The following DNAI4 variants were observed in gnomAD, a reference collection of about 807,000 sequenced individuals.
DNAI4 encodes the protein WD repeat domain 78.
In DNAI4, 85 loss-of-function variants were observed where a neutral mutation model predicts 105.8. The observed-to-expected ratio is 0.80, with a 90% CI of 0.67 to 0.96. The LOEUF (loss-of-function observed/expected upper bound fraction) is 0.96, where lower values mean the gene tolerates loss of function less well. Ranked by LOEUF, DNAI4 falls within the 40% of genes least tolerant of loss-of-function variation. The pLI, the probability that DNAI4 is intolerant of heterozygous loss-of-function variation, is 0.00. For missense variants in DNAI4, 1,014 were observed against 1,005.6 expected (o/e 1.01, Z -0.11); for synonymous variants, 352 against 331.5 (o/e 1.06, Z -0.67).
intron 16 of DNAI4, among the ~76,000 whole-genome samples, chr1:66,816,496 T>C (rs965373863): frequency 6.6e-6 from 1 of 152,150 alleles, no homozygotes; most frequent in Non-Finnish European, 1.5e-5. Context: ...ATGACTATAA[T>C]TCTCCATAAG....
rs1646311534 is a variant in DNAI4, at chr1:66,847,857, T to C, written c.1097-179A>G. 5 of 558,060 alleles carry C rather than the reference T, an allele frequency of 9.0e-6. No individual in the cohort carries two copies. The Admixed American group carries it at 1.8e-4, about 20-fold the overall frequency. 34.6% of individuals were successfully genotyped at this position (558,060 alleles called of 1,614,324 possible). A position where few individuals can be genotyped will look rare whatever the true frequency, so the allele number is the denominator to read the frequency against. On this transcript the variant is annotated intron_variant, in intron 7 of 16. Coordinates refer to ENST00000371026, the MANE Select transcript of DNAI4 (RefSeq NM_024763.5). ...GCACATGAAAGATGCACATATCTCA[T>C]TTTGGAATTCTTAACCATCAAAAAC...
intron 6 of DNAI4, among the ~76,000 whole-genome samples, chr1:66,866,077 A>G (rs1646726773): frequency 6.6e-6 from 1 of 152,036 alleles, no homozygotes; most frequent in Non-Finnish European, 1.5e-5. Context: ...GAGGCTGAGG[A>G]CAGTGGATCA....
chr1:66,870,652 AG>A, intron 6 of DNAI4, among the ~76,000 whole-genome samples: 1 of 122,970 alleles, frequency 8.1e-6, no homozygotes, highest in East Asian at 2.7e-4. Context: ...TGGGAGGCTG[AG>A]GGGGAGAATT....
chr1:66,900,403 A>G (rs918666229), intron 2 of DNAI4, among the ~76,000 whole-genome samples: 5 of 152,200 alleles, frequency 3.3e-5, no homozygotes, highest in Non-Finnish European at 7.4e-5. Context: ...GCCTGGCCCC[A>G]TATGAATTTT....
chr1:66,886,030 C>T (rs535271397), intron 4 of DNAI4, among the ~76,000 whole-genome samples: 37 of 152,190 alleles, frequency 2.4e-4, no homozygotes, highest in Non-Finnish European at 4.3e-4. Context: ...GATGGCTGTT[C>T]TATTTTCATT....
At chr1:66,867,588 G>A (rs1646759486) in intron 6 of DNAI4, among the ~76,000 whole-genome samples, 1 of 151,330 alleles carries the variant, frequency 6.6e-6, no homozygotes, top group Non-Finnish European at 1.5e-5. Context: ...CTTGTTCCAT[G>A]AATGCAACAG....
Position 66,850,900 on chromosome 1 carries a change from A to G in DNAI4, c.1097-3222T>C, listed in dbSNP as rs1030678427. On this transcript the variant is annotated intron_variant, in intron 7 of 16. Coordinates refer to ENST00000371026, the MANE Select transcript of DNAI4 (RefSeq NM_024763.5). The stretch of plus-strand genomic sequence containing the variant: ...AGAATGGTAAAAAAAATGTTTGGAA[A>G]AGCAGCAAGAAAGCAGGAAGAAGAT... Among the ~76,000 whole-genome samples, 4 of 152,096 alleles carry G rather than the reference A, an allele frequency of 2.6e-5. No homozygotes were observed. In the East Asian group the frequency reaches 7.7e-4, roughly 29 times the overall value.
intron 7 of DNAI4, among the ~76,000 whole-genome samples, chr1:66,860,994 C>T (rs150221622): frequency 6.6e-6 from 1 of 152,098 alleles, no homozygotes; most frequent in African/African-American, 2.4e-5. Context: ...GTTTACATGA[C>T]CATAAACATA....
chr1:66,865,275 T>G (rs1046602540), intron 6 of DNAI4, among the ~76,000 whole-genome samples: 1 of 151,800 alleles, frequency 6.6e-6, no homozygotes, highest in Non-Finnish European at 1.5e-5. Context: ...AATGCAAAAA[T>G]TAGCCCAGCA....
intron 8 of DNAI4, among the ~76,000 whole-genome samples, chr1:66,845,913 T>C (rs1463657509): frequency 1.3e-5 from 2 of 152,030 alleles, no homozygotes; most frequent in East Asian, 3.8e-4. Flanking sequence ...AGGTAACTCT[T>C]AGGGTTAATA....
chr1:66,825,835 T>A (rs183700225), intron 15 of DNAI4, among the ~76,000 whole-genome samples: 17 of 152,296 alleles, frequency 1.1e-4, no homozygotes, highest in African/African-American at 3.6e-4. Context: ...TAGCAAAAAA[T>A]TTTCTCATAA....
At chr1:66,853,029 G>A (rs1646428954) in intron 7 of DNAI4, among the ~76,000 whole-genome samples, 1 of 152,150 alleles carries the variant, frequency 6.6e-6, no homozygotes, top group Admixed American at 6.5e-5. Flanking sequence ...TCTCTAGAAG[G>A]GCCCTGACCA....
At chr1:66,882,665 C>T (rs890473260) in intron 4 of DNAI4, among the ~76,000 whole-genome samples, 7 of 151,738 alleles carry the variant, frequency 4.6e-5, no homozygotes, top group African/African-American at 1.5e-4. Context: ...CTCTGTATTC[C>T]ATTTTATTTA....
rs144261089 is a variant in DNAI4, at chr1:66,826,360, G to A, written c.2339+460C>T. On this transcript the variant is annotated intron_variant, in intron 15 of 16. Coordinates refer to ENST00000371026, the MANE Select transcript of DNAI4 (RefSeq NM_024763.5). ...GTTGCCCAGGTTGGAGTACACTGGC[G>A]CAATCTTGGCTCACTGCAACCTCTG... 3.6e-3 allele frequency among the ~76,000 whole-genome samples: 552 copies of A among 151,930 alleles called. 6 individuals are homozygous for A. The highest frequency in any genetic ancestry group is 0.011 in the African/African-American group (454 of 41,326).
At chr1:66,902,799 T>G (rs541357982) in intron 2 of DNAI4, among the ~76,000 whole-genome samples, 1 of 152,364 alleles carries the variant, frequency 6.6e-6, no homozygotes, top group African/African-American at 2.4e-5. Context: ...TTGACAAAAC[T>G]GTCTTTTCTC....
rs763492924 is a variant in DNAI4 at position 66,893,294 on chromosome 1, T to A, written c.465A>T (p.Glu155Asp). Residue 155 changes from glutamate (E) to aspartate (D), a missense_variant, in exon 3 of 17, where the codon GAA becomes GAT. Coordinates refer to ENST00000371026, the MANE Select transcript of DNAI4 (RefSeq NM_024763.5). ...GATAAAGGCTATAGGAAGATATAAATTCTGATCCAAGTGATCCTTCTTGTG... is the reference window on the plus strand; with the variant it reads ...GATAAAGGCTATAGGAAGATATAAAATCTGATCCAAGTGATCCTTCTTGTG... ...LTSQEGSLGS[E>D]FISSYSLYQN... 6.2e-7 allele frequency: 1 copy of A among 1,610,812 alleles called. No homozygotes were observed.
intron 8 of DNAI4, among the ~76,000 whole-genome samples, chr1:66,844,553 A>G (rs1646229402): frequency 6.6e-6 from 1 of 151,996 alleles, no homozygotes; most frequent in Admixed American, 6.6e-5. Flanking sequence ...AGAGAGTAAG[A>G]CTCTGTCTCA....
intron 16 of DNAI4, among the ~76,000 whole-genome samples, chr1:66,816,917 TA>T (rs1268391078): frequency 6.6e-6 from 1 of 152,158 alleles, no homozygotes; most frequent in East Asian, 1.9e-4. Flanking sequence ...CTATATTTTA[TA>T]CTTTTACCAA....
chr1:66,835,830 C>A, intron 10 of DNAI4, 53 bp from the exon 11 acceptor site: 1 of 1,537,006 alleles, frequency 6.5e-7, no homozygotes, highest in Non-Finnish European at 9.0e-7. Context: ...CACAGTAAGG[C>A]AGAATATAAT....
Sources: gnomAD v4.1 joint callset for allele counts (sites outside exome capture counted in the v4.1 genomes callset) on GRCh38, gnomAD v4.1.1 for gene constraint, MANE v1.5 for transcripts, NCBI Gene and HGNC (gene_info 2026-07-23, HGNC 2026-07-21) for gene names.